NALCN: variants seen among roughly 807,000 people sequenced by gnomAD.
NALCN encodes the protein sodium leak channel NALCN.
In NALCN, 111 loss-of-function variants were observed where a neutral mutation model predicts 225.3. That is an observed-to-expected ratio of 0.49 (90% CI 0.42 to 0.58). The LOEUF is 0.58. Among genes scored for constraint, NALCN ranks in the 20% least tolerant of loss-of-function variants. The probability of loss-of-function intolerance (pLI) is 0.00; values close to 1 mark genes in which losing one functional copy is unlikely to be tolerated. For synonymous variants in NALCN, 764 were observed against 769.0 expected, an observed-to-expected ratio of 0.99 and a Z score of 0.11; for missense variants, 1,378 against 2,202.4, an observed-to-expected ratio of 0.63 and a Z score of 7.49.
chr13:101,233,061 GTGAGTCTAAT>G (rs2041414054), intron 12 of NALCN, among the ~76,000 whole-genome samples: 1 of 152,132 alleles, frequency 6.6e-6, no homozygotes, highest in Admixed American at 6.5e-5. Flanking sequence ...ATCCCTGTCA[GTGAGTCTAAT>G]TGTGCCTTTT....
chr13:101,165,919 C>T (rs1277814543), intron 15 of NALCN, among the ~76,000 whole-genome samples: 1 of 152,206 alleles, frequency 6.6e-6, no homozygotes, highest in Non-Finnish European at 1.5e-5. Context: ...CCTCCCTAGC[C>T]CCTGGCAACT....
At chr13:101,107,006 CAGT>C (rs1192118314) in intron 22 of NALCN, among the ~76,000 whole-genome samples, 2 of 152,134 alleles carry the variant, frequency 1.3e-5, no homozygotes, top group African/African-American at 4.8e-5. Context: ...AGGGTAGAGA[CAGT>C]GAACAGTGGG....
intron 15 of NALCN, among the ~76,000 whole-genome samples, chr13:101,154,309 C>T (rs1019366087): frequency 6.6e-6 from 1 of 152,210 alleles, no homozygotes; most frequent in African/African-American, 2.4e-5. Context: ...GCTTCTAAAA[C>T]TGTTGTATAC....
At chr13:101,182,099 A>G (rs1168065084) in intron 14 of NALCN, among the ~76,000 whole-genome samples, 1 of 127,858 alleles carries the variant, frequency 7.8e-6, no homozygotes, top group Non-Finnish European at 1.5e-5. Flanking sequence ...GTGCCACTGC[A>G]CTCCAGCCTG....
Position 101,125,528 on chromosome 13 carries a change from G to C in NALCN, c.2119-847C>G, listed in dbSNP as rs1475796125. Among the ~76,000 whole-genome samples, 3 of 152,084 alleles carry C rather than the reference G, an allele frequency of 2.0e-5. No individual in the cohort carries two copies. In the South Asian group the frequency reaches 6.2e-4, roughly 31 times the overall value. ...ATATTAGTGACCATAGGAGATTTAG[G>C]GTAAATAGAATTTGGAGTTCTTGGT... On this transcript the variant is annotated intron_variant, in intron 17 of 43. Coordinates refer to ENST00000251127, the MANE Select transcript of NALCN (RefSeq NM_052867.4).
At chr13:101,393,840 T>C (rs1307640002) in intron 3 of NALCN, among the ~76,000 whole-genome samples, 2 of 152,118 alleles carry the variant, frequency 1.3e-5, no homozygotes, top group South Asian at 4.1e-4. Context: ...AAGTATACTA[T>C]GTAAACCTTG....
intron 18 of NALCN, 59 bp downstream of exon 18, chr13:101,124,549 T>G (rs747346155): frequency 2.0e-5 from 29 of 1,442,882 alleles, no homozygotes; most frequent in African/African-American, 1.0e-4. Context: ...AAAAAGCTAT[T>G]TTTCGATTAA....
At chr13:101,173,442 G>A (rs1461892578) in intron 15 of NALCN, among the ~76,000 whole-genome samples, 3 of 152,130 alleles carry the variant, frequency 2.0e-5, no homozygotes, top group East Asian at 3.9e-4. Flanking sequence ...TTTGTTGGCT[G>A]TGTAACCTTG....
chr13:101,155,928 C>A (rs1177569731), intron 15 of NALCN, among the ~76,000 whole-genome samples: 4 of 152,064 alleles, frequency 2.6e-5, no homozygotes, highest in Non-Finnish European at 5.9e-5. Context: ...ATTTATTATT[C>A]TATTATTTCT....
chr13:101,100,929 C>T, intron 26 of NALCN, 41 bp from the exon 27 acceptor site: 2 of 1,522,566 alleles, frequency 1.3e-6, no homozygotes, highest in African/African-American at 2.8e-5. Flanking sequence ...TTGTTAAAGA[C>T]TAAATATTAG....
intron 1 of NALCN, among the ~76,000 whole-genome samples, chr13:101,400,614 T>A (rs2047449431): frequency 6.6e-6 from 1 of 151,620 alleles, no homozygotes; most frequent in Admixed American, 6.6e-5. Context: ...GATGCAGTTT[T>A]TACTGGAAAA....
rs28600298 is a variant in NALCN at position 101,084,028 on chromosome 13, C to T, written c.3490-224G>A. On this transcript the variant is annotated intron_variant, in intron 30 of 43. Transcript: ENST00000251127. ...GTTTCAGAGAGAATTCAGCAGCCTT[C>T]GACTTGTATCTTTGGAGATGTGTAA... Among the ~76,000 whole-genome samples, 66 of 151,952 alleles carry T rather than the reference C, an allele frequency of 4.3e-4. 1 individual carries two copies. The highest frequency in any genetic ancestry group is 1.4e-3 in the African/African-American group (59 of 41,354).
At chr13:101,329,221 G>C (rs2045072100) in intron 7 of NALCN, among the ~76,000 whole-genome samples, 2 of 152,164 alleles carry the variant, frequency 1.3e-5, no homozygotes, top group South Asian at 4.1e-4. Context: ...ACATAAGATG[G>C]TAAGAATTGC....
At chr13:101,321,213 A>G (rs2044736409) in intron 7 of NALCN, among the ~76,000 whole-genome samples, 1 of 151,106 alleles carries the variant, frequency 6.6e-6, no homozygotes, top group African/African-American at 2.4e-5. Flanking sequence ...CTTAAAATAA[A>G]TAATAGACAA....
intron 7 of NALCN, among the ~76,000 whole-genome samples, chr13:101,330,923 T>A (rs1234673200): frequency 2.0e-5 from 3 of 152,192 alleles, no homozygotes; most frequent in Admixed American, 2.0e-4. Context: ...CCTTGTGCCA[T>A]GATTGTGAGG....
At chr13:101,261,233 T>C (rs2140226325) in intron 10 of NALCN, among the ~76,000 whole-genome samples, 1 of 152,332 alleles carries the variant, frequency 6.6e-6, no homozygotes, top group South Asian at 2.1e-4. Flanking sequence ...TGTCTGTTTT[T>C]ATGGCAGTAC....
At chr13:101,351,548 T>C (rs183712328) in intron 6 of NALCN, among the ~76,000 whole-genome samples, 122 of 152,314 alleles carry the variant, frequency 8.0e-4, no homozygotes, top group Non-Finnish European at 4.1e-4. Flanking sequence ...TCACCACTCC[T>C]AGCGGTGCAG....
chr13:101,359,914 C>T lies in NALCN; in HGVS notation c.645-14494G>A, dbSNP rs1447570454. 5.9e-5 allele frequency among the ~76,000 whole-genome samples: 9 copies of T among 152,106 alleles called. 1 individual carries two copies. The highest frequency in any genetic ancestry group is 2.2e-4 in the African/African-American group (9 of 41,430). ...AACACGATCTCCAGTTTATTGTACA[C>T]ATTAAGATTTGAGAGGTACCTTTTA... is the stretch of plus-strand genomic sequence containing the variant. On this transcript the variant is annotated intron_variant, in intron 6 of 43. Transcript: ENST00000251127.
chr13:101,280,385 A>G (rs1341910441), intron 10 of NALCN, among the ~76,000 whole-genome samples: 2 of 152,148 alleles, frequency 1.3e-5, no homozygotes, highest in African/African-American at 4.8e-5. Flanking sequence ...ACATCTATAC[A>G]CTTCAAGCCC....
Sources: gnomAD v4.1 joint callset for allele counts (sites outside exome capture counted in the v4.1 genomes callset) on GRCh38, gnomAD v4.1.1 for gene constraint, MANE v1.5 for transcripts, NCBI Gene and HGNC (gene_info 2026-07-23, HGNC 2026-07-21) for gene names.